The following PTPRG variants were observed in gnomAD, a reference collection of about 807,000 sequenced individuals.
PTPRG encodes the protein protein tyrosine phosphatase receptor type G.
Under a neutral mutation model 165.3 loss-of-function variants are expected in PTPRG, and 102 were observed. The observed-to-expected ratio is 0.62, with a 90% confidence interval of 0.53 to 0.73. The LOEUF is 0.73. Among genes scored for constraint, PTPRG ranks in the 30% least tolerant of loss-of-function variants. The pLI is 0.00. For missense variants in PTPRG, 1,866 were observed against 1,861.4 expected (o/e 1.00, Z -0.05); for synonymous variants, 675 against 669.5 (o/e 1.01, Z -0.13).
At position 62,203,648 on chromosome 3, in the gene PTPRG, G is replaced by A. The variant is rs370618193; in HGVS notation, c.1853G>A (p.Arg618Gln). The part of the protein sequence containing the change: ...KSGVTHAAEE[R>Q]NQTEPSPTPS... ...GGGGTGACCCACGCTGCCGAGGAGC[G>A]GAATCAGACGGAGCCCAGCCCCACA... The change falls in exon 12 of 30, where the codon CGG becomes CAG. Residue 618 changes from arginine to glutamine, a missense_variant. By Grantham distance (43) the Arg-to-Gln change is conservative. This residue lies in a region of PTPRG where 1,452 missense variants were observed against 1,463.0 expected (regional missense o/e 0.99). Coordinates refer to ENST00000474889, the MANE Select transcript of PTPRG (RefSeq NM_002841.4). The surrounding 1 kb of genome is among the most constrained non-coding windows in gnomAD (Gnocchi z 6.4). 2.6e-5 allele frequency: 40 copies of A among 1,560,150 alleles called. 1 individual carries two copies. The African/African-American group carries it at 4.1e-4, about 16-fold the overall frequency.
chr3:62,137,803 G>A (rs949745846), intron 6 of PTPRG, among the ~76,000 whole-genome samples: 1 of 152,150 alleles, frequency 6.6e-6, no homozygotes, highest in African/African-American at 2.4e-5. Flanking sequence ...CATTGTTGTT[G>A]CATAGAATAA....
chr3:62,065,620 C>T (rs111400822), intron 4 of PTPRG, among the ~76,000 whole-genome samples: 3 of 152,144 alleles, frequency 2.0e-5, no homozygotes, highest in Non-Finnish European at 4.4e-5. Context: ...TGGAGCAATG[C>T]AACGTATTTT....
intron 5 of PTPRG, among the ~76,000 whole-genome samples, chr3:62,106,342 A>G (rs1055353287): frequency 6.6e-6 from 1 of 152,178 alleles, no homozygotes; most frequent in Non-Finnish European, 1.5e-5. Flanking sequence ...TACACTAAGC[A>G]GGGCATTGCT....
chr3:62,171,328 C>T (rs1196011421), intron 8 of PTPRG, among the ~76,000 whole-genome samples: 1 of 152,136 alleles, frequency 6.6e-6, no homozygotes, highest in Admixed American at 6.6e-5. Context: ...TTAGAGACTG[C>T]CAAATGGCTT....
chr3:61,912,733 A>T (rs956632631), intron 2 of PTPRG, among the ~76,000 whole-genome samples: 1 of 152,174 alleles, frequency 6.6e-6, no homozygotes, highest in Non-Finnish European at 1.5e-5. Flanking sequence ...TTTATTCTCC[A>T]TGCAGTTAGG....
chr3:61,826,242 T>G (rs1026503088), intron 2 of PTPRG, among the ~76,000 whole-genome samples: 2 of 152,178 alleles, frequency 1.3e-5, no homozygotes, highest in Admixed American at 6.5e-5. Flanking sequence ...TGTTTATCCC[T>G]TCTTCTGTAA....
At chr3:61,672,431 T>C (rs1703038462) in intron 1 of PTPRG, among the ~76,000 whole-genome samples, 1 of 134,320 alleles carries the variant, frequency 7.4e-6, no homozygotes. Flanking sequence ...CTGGGCACCA[T>C]TGAGCACTGA....
At chr3:61,753,668 C>T (rs763838859) in intron 2 of PTPRG, 1 of 423,808 alleles carries the variant, frequency 2.4e-6, no homozygotes, top group South Asian at 1.7e-5. Flanking sequence ...CACTGCAACC[C>T]CCCAACCCCC....
At chr3:61,913,215 G>T (rs775877664) in intron 2 of PTPRG, among the ~76,000 whole-genome samples, 1 of 152,150 alleles carries the variant, frequency 6.6e-6, no homozygotes, top group African/African-American at 2.4e-5. Context: ...AGGGGACAAC[G>T]TTTTCTTTTT....
chr3:62,242,095 A>G (rs567868662), intron 14 of PTPRG, among the ~76,000 whole-genome samples: 86 of 152,346 alleles, frequency 5.6e-4, no homozygotes, highest in African/African-American at 1.8e-3. Flanking sequence ...GAGAGAAGGA[A>G]GTTATCTCAA....
chr3:61,835,770 G>A (rs1328902917), intron 2 of PTPRG, among the ~76,000 whole-genome samples: 1 of 151,934 alleles, frequency 6.6e-6, no homozygotes, highest in Non-Finnish European at 1.5e-5. Context: ...CGGGCACAGT[G>A]GCTCACACCT....
At chr3:62,156,972 T>C in intron 6 of PTPRG, 95 bp from the exon 7 acceptor site, 2 of 1,114,660 alleles carry the variant, frequency 1.8e-6, no homozygotes, top group Non-Finnish European at 1.3e-6. Flanking sequence ...AGGCTTGCGA[T>C]GTGGCACCAG....
intron 5 of PTPRG, among the ~76,000 whole-genome samples, chr3:62,100,884 A>G (rs6772567): frequency 0.092 from 13,968 of 152,108 alleles, 765 homozygotes; most frequent in South Asian, 0.14. Flanking sequence ...TTTGCTGGTG[A>G]GAAGTAGAAC....
Position 61,885,057 on chromosome 3 carries a change from C to G in PTPRG, c.191-104568C>G, listed in dbSNP as rs145572064. Among the ~76,000 whole-genome samples, 1,408 of 152,200 alleles carry G rather than the reference C, an allele frequency of 9.3e-3. 7 individuals are homozygous for G. The highest frequency in any genetic ancestry group is 0.015 in the Non-Finnish European group (1,020 of 68,000). ...GTGTGGTGTTTGCTTTCATTGTCGG[C>G]TGTAGTAAAATGTCATTTATTGCAC... On this transcript the variant is annotated intron_variant, in intron 2 of 29. Transcript: ENST00000474889.
At chr3:61,977,037 T>C (rs1312806123) in intron 2 of PTPRG, among the ~76,000 whole-genome samples, 2 of 152,180 alleles carry the variant, frequency 1.3e-5, no homozygotes, top group Non-Finnish European at 2.9e-5. Flanking sequence ...TTGTTTATTA[T>C]TGCCTATCTC....
chr3:61,767,821 A>AG (rs111844540), intron 2 of PTPRG, among the ~76,000 whole-genome samples: 5 of 151,998 alleles, frequency 3.3e-5, no homozygotes, highest in African/African-American at 1.2e-4. Flanking sequence ...GAAAAAAAAA[A>AG]TAGCTGGATA....
At chr3:62,199,771 A>G (rs1258187887) in intron 10 of PTPRG, among the ~76,000 whole-genome samples, 1 of 152,218 alleles carries the variant, frequency 6.6e-6, no homozygotes, top group Non-Finnish European at 1.5e-5. Context: ...AAAGAACCAC[A>G]TAGAAGCAGT....
intron 1 of PTPRG, among the ~76,000 whole-genome samples, chr3:61,730,986 C>A (rs1575615780): frequency 6.6e-6 from 1 of 152,126 alleles, no homozygotes; most frequent in South Asian, 2.1e-4. Flanking sequence ...TTGCTGTGGG[C>A]CCCTTTAACT....
intron 4 of PTPRG, among the ~76,000 whole-genome samples, chr3:62,015,795 A>T (rs898668287): frequency 6.6e-6 from 1 of 152,308 alleles, no homozygotes. Context: ...AAAACATCTG[A>T]TTCCAATTGT....
Sources: gnomAD v4.1 joint callset for allele counts (sites outside exome capture counted in the v4.1 genomes callset) on GRCh38, gnomAD v4.1.1 for gene constraint, gnomAD v4.1.1 regional missense constraint, Gnocchi (gnomAD v3.1) non-coding constraint, MANE v1.5 for transcripts, NCBI Gene and HGNC (gene_info 2026-07-23, HGNC 2026-07-21) for gene names.